Variants in COL4A3 observed in about 807,000 individuals in gnomAD.
The protein encoded by COL4A3 is collagen alpha-3(IV) chain.
A neutral mutation model predicts 217.4 loss-of-function variants in COL4A3; 135 were observed. That is an observed-to-expected ratio of 0.62 (90% CI 0.54 to 0.72). The LOEUF is 0.72. Ranked by LOEUF, COL4A3 falls within the 30% of genes least tolerant of loss-of-function variation. The pLI, the probability that COL4A3 is intolerant of heterozygous loss-of-function variation, is 0.00. For missense variants in COL4A3, 1,868 were observed against 2,119.9 expected (o/e 0.88, Z 2.33); for synonymous variants, 690 against 736.3 (o/e 0.94, Z 1.02).
intron 9 of COL4A3, among the ~76,000 whole-genome samples, chr2:227,249,162 C>T (rs1478510724): frequency 7.5e-6 from 1 of 132,878 alleles, no homozygotes; most frequent in African/African-American, 2.8e-5. Context: ...TAGACCTAAA[C>T]CACAAGTGCT....
chr2:227,237,835 T>G, intron 1 of COL4A3, 133 bp from the exon 2 acceptor site: 1 of 724,382 alleles, frequency 1.4e-6, no homozygotes, highest in Non-Finnish European at 2.6e-6. Context: ...GATATATTGC[T>G]ACAAGGTCAC....
intron 1 of COL4A3, among the ~76,000 whole-genome samples, chr2:227,205,890 GC>G (rs113278409): frequency 0.14 from 21,759 of 152,086 alleles, 1,681 homozygotes; most frequent in Non-Finnish European, 0.16. Flanking sequence ...CAGTGTCTTG[GC>G]AAGTTGATGC....
intron 1 of COL4A3, among the ~76,000 whole-genome samples, chr2:227,184,987 C>T (rs1040819607): frequency 6.7e-5 from 10 of 148,742 alleles, no homozygotes; most frequent in South Asian, 2.1e-4. Context: ...CTGCAAGCTC[C>T]GCCTCCCAGG....
At chr2:227,219,855 T>C (rs1197039849) in intron 1 of COL4A3, among the ~76,000 whole-genome samples, 3 of 152,218 alleles carry the variant, frequency 2.0e-5, no homozygotes, top group Middle Eastern at 6.3e-3. Flanking sequence ...CAGTATGTAT[T>C]GAGCATCTTC....
intron 36 of COL4A3, among the ~76,000 whole-genome samples, chr2:227,290,507 A>C (rs939687135): frequency 5.3e-5 from 8 of 152,154 alleles, no homozygotes; most frequent in African/African-American, 1.9e-4. Flanking sequence ...CTCAAAAAAA[A>C]CCAACAACAA....
intron 17 of COL4A3, among the ~76,000 whole-genome samples, 166 bp from the exon 18 acceptor site, chr2:227,257,437 G>A (rs962269444): frequency 3.3e-5 from 5 of 152,166 alleles, no homozygotes; most frequent in Admixed American, 3.3e-4. Flanking sequence ...CCAGATACGC[G>A]CTCTCCAGGA....
At chr2:227,186,013 G>A (rs139670095) in intron 1 of COL4A3, among the ~76,000 whole-genome samples, 1,887 of 152,328 alleles carry the variant, frequency 0.012, 30 homozygotes, top group South Asian at 0.043. Context: ...GATAATGAAG[G>A]AGTCAGCATC....
Position 227,270,883 on chromosome 2 carries a change from G to A in COL4A3, c.1689G>A (p.Gly563=), listed in dbSNP as rs1464258742. 6.2e-7 allele frequency: 1 copy of A among 1,614,190 alleles called. No individual in the cohort carries two copies. Among genetic ancestry groups the A allele is most frequent in the Non-Finnish European group, 8.5e-7 (1 of 1,180,040 alleles). ...PGDPGLRGQP[G]RKGLDGIPGT... Reference sequence around the variant, plus strand: ...ACCCGGGGCTCAGAGGCCAACCTGGGAGAAAGGGCTTGGATGGAATTCCTG... The same window carrying A: ...ACCCGGGGCTCAGAGGCCAACCTGGAAGAAAGGGCTTGGATGGAATTCCTG... The change falls in exon 25 of 52, where the codon GGG becomes GGA. Residue 563 remains glycine (G), a synonymous_variant. Transcript: ENST00000396578.
chr2:227,174,389 A>T (rs2065599389), intron 1 of COL4A3, among the ~76,000 whole-genome samples: 1 of 152,212 alleles, frequency 6.6e-6, no homozygotes, highest in Admixed American at 6.5e-5. Context: ...AAATTCCAAA[A>T]AGGTCTCTCT....
chr2:227,220,657 A>T (rs923770203), intron 1 of COL4A3, among the ~76,000 whole-genome samples: 2 of 150,980 alleles, frequency 1.3e-5, no homozygotes, highest in East Asian at 4.0e-4. Flanking sequence ...GTAGAGACAG[A>T]GTCTCACTAT....
Position 227,308,881 on chromosome 2 carries a change from A to G in COL4A3, c.4463-18A>G, listed in dbSNP as rs2106287895. Reference sequence around the variant, plus strand: ...CTTTAACTTACTGAAAGTGATACTCAGTCTGATGTTTCATTAGGAACTCTT... The same window carrying G: ...CTTTAACTTACTGAAAGTGATACTCGGTCTGATGTTTCATTAGGAACTCTT... On this transcript the variant is annotated intron_variant, in intron 48 of 51. Transcript: ENST00000396578. 6.2e-7 allele frequency: 1 copy of G among 1,612,492 alleles called. No homozygotes were observed. Among genetic ancestry groups the G allele is most frequent in the East Asian group, 2.2e-5 (1 of 44,872 alleles).
intron 41 of COL4A3, among the ~76,000 whole-genome samples, chr2:227,296,827 C>CTGT (rs1289868490): frequency 2.0e-5 from 3 of 152,108 alleles, no homozygotes; most frequent in Non-Finnish European, 2.9e-5. Flanking sequence ...AATAACTCCC[C>CTGT]AAGCCCTCCC....
chr2:227,259,147 C>A (rs1311099225), intron 18 of COL4A3: 1 of 151,928 alleles, frequency 6.6e-6, no homozygotes, highest in East Asian at 1.9e-4. Context: ...ATATTCAATT[C>A]CATATAATTC....
Position 227,297,852 on chromosome 2 carries a change from A to G in COL4A3, c.3744A>G (p.Gly1248=). 6.4e-7 allele frequency: 1 copy of G among 1,557,128 alleles called. No individual in the cohort carries two copies. Among genetic ancestry groups the G allele is most frequent in the East Asian group, 2.4e-5 (1 of 41,746 alleles). ...ATCGTGGTCCACCAGGCTCAAGAGG[A>G]AGCCCAGGTAAAGGGTTTACTTTTA... ...TGNRGPPGSR[G]SPGAPGPPGP... Residue 1248 remains glycine (G), a synonymous_variant, in exon 42 of 52, where the codon GGA becomes GGG. Transcript: ENST00000396578.
chr2:227,296,309 A>G (rs974980638), intron 41 of COL4A3: 1 of 158,116 alleles, frequency 6.3e-6, no homozygotes, highest in Non-Finnish European at 1.4e-5. Context: ...GGTCAAAAGG[A>G]GAGTTGCTCT....
At chr2:227,200,475 C>T (rs1049288741) in intron 1 of COL4A3, among the ~76,000 whole-genome samples, 12 of 152,294 alleles carry the variant, frequency 7.9e-5, no homozygotes, top group African/African-American at 2.6e-4. Context: ...GTCCCAAGTA[C>T]AGCCATAGCA....
In COL4A3 at chr2:227,290,015, G is replaced by T; in HGVS notation, c.2997G>T (p.Leu999Phe). ...PAGPPGPRGD[L>F]GSTGNPGEPG... ...GTTCTCAAGGCCCCAGAGGAGATTT[G>T]GGCAGCACTGGGAATCCTGGAGAAC... Residue 999 changes from leucine to phenylalanine, a missense_variant, in exon 36 of 52, where the codon TTG (leucine) becomes TTT (phenylalanine). By Grantham distance (22) the Leu-to-Phe change is conservative. Transcript: ENST00000396578. 1 of 1,614,080 alleles carries T rather than the reference G, an allele frequency of 6.2e-7. No individual in the cohort carries two copies. Among genetic ancestry groups the T allele is most frequent in the Non-Finnish European group, 8.5e-7 (1 of 1,179,966 alleles).
At chr2:227,278,152 T>C (rs1225803322) in intron 28 of COL4A3, among the ~76,000 whole-genome samples, 1 of 151,814 alleles carries the variant, frequency 6.6e-6, no homozygotes, top group East Asian at 1.9e-4. Context: ...AAAGGAACTA[T>C]TAAATCACAA....
rs2072872794 is a variant in COL4A3, at chr2:227,293,403, A to T, written c.3337+86A>T. On this transcript the variant is annotated intron_variant, in intron 38 of 51. Transcript: ENST00000396578. ...AAATCATTGTGGTAAACAGAAAGCT[A>T]TTTATACTTTTATGCTGCAGTTGCT... 1.1e-5 allele frequency: 16 copies of T among 1,469,874 alleles called. No homozygotes were observed. In the South Asian group the frequency reaches 1.8e-4, roughly 17 times the overall value. The allele number at this position is 1,469,874 out of a possible 1,614,324, so 91.1% of individuals were successfully genotyped here. A position where few individuals can be genotyped will look rare whatever the true frequency, so the allele number is the denominator to read the frequency against.
Sources: allele counts gnomAD v4.1 joint callset (sites outside exome capture counted in the v4.1 genomes callset), GRCh38; gene constraint gnomAD v4.1.1; transcripts MANE v1.5; gene names NCBI Gene and HGNC (gene_info 2026-07-23, HGNC 2026-07-21).